The following ADK variants were observed in gnomAD, a reference collection of about 807,000 sequenced individuals.
The protein encoded by ADK is adenosine kinase.
Under a neutral mutation model 44.7 loss-of-function variants are expected in ADK, and 24 were observed. The ratio of observed to expected loss-of-function variants is 0.54; its 90% confidence interval spans 0.39 to 0.76. ADK has a LOEUF of 0.76. Ranked by LOEUF, ADK falls within the 30% of genes least tolerant of loss-of-function variation. The pLI is 0.00. For synonymous variants in ADK, 128 were observed against 142.6 expected (o/e 0.90, Z 0.73); for missense variants, 321 against 425.1 (o/e 0.76, Z 2.15).
chr10:74,392,705 T>C (rs1843377019), intron 4 of ADK, among the ~76,000 whole-genome samples: 1 of 152,060 alleles, frequency 6.6e-6, no homozygotes, highest in Admixed American at 6.6e-5. Flanking sequence ...TATGAAATCA[T>C]TGCTAAATCC....
At chr10:74,328,360 C>T (rs184654893) in intron 4 of ADK, among the ~76,000 whole-genome samples, 9 of 149,456 alleles carry the variant, frequency 6.0e-5, no homozygotes, top group Admixed American at 2.7e-4. Context: ...TACAATAGGC[C>T]GAATAGCCAC....
At chr10:74,515,790 G>A (rs964150516) in intron 6 of ADK, among the ~76,000 whole-genome samples, 2 of 152,130 alleles carry the variant, frequency 1.3e-5, no homozygotes, top group African/African-American at 4.8e-5. Context: ...GCTTGCTGTG[G>A]GTAGGACTGG....
intron 4 of ADK, among the ~76,000 whole-genome samples, chr10:74,392,188 G>A (rs904197440): frequency 2.6e-5 from 4 of 152,132 alleles, no homozygotes; most frequent in African/African-American, 9.7e-5. Context: ...AAGTGAGGTT[G>A]CTTGATTATA....
rs138879517 is a variant in ADK, at chr10:74,626,101, A to G, written c.877+25608A>G. On this transcript the variant is annotated intron_variant, in intron 9 of 10. Transcript: ENST00000539909. Reference sequence around the variant, plus strand: ...AATTCTGGTAATAGACTCTAGAAATAGATGTTTGAAATAGGTGTTTAAAAT... The same window carrying G: ...AATTCTGGTAATAGACTCTAGAAATGGATGTTTGAAATAGGTGTTTAAAAT... 5.3e-3 allele frequency among the ~76,000 whole-genome samples: 811 copies of G among 152,292 alleles called. 2 individuals are homozygous for G. Among genetic ancestry groups the G allele is most frequent in the African/African-American group, 0.019 (784 of 41,550 alleles).
chr10:74,492,466 G>A (rs1220490398), intron 6 of ADK, among the ~76,000 whole-genome samples: 1 of 152,080 alleles, frequency 6.6e-6, no homozygotes, highest in Non-Finnish European at 1.5e-5. Context: ...AAAAGAGACA[G>A]AAGAAGAAAA....
intron 6 of ADK, among the ~76,000 whole-genome samples, chr10:74,488,374 CGTGTGTGTGTGTGTGT>C (rs60178427): frequency 2.1e-5 from 3 of 140,768 alleles, no homozygotes; most frequent in African/African-American, 5.2e-5. Flanking sequence ...GGAAAAAAGA[CGTGTGTGTGTGTGTGT>C]GTGTGTGTGT....
chr10:74,526,009 T>A lies in ADK; in HGVS notation c.726+583T>A, dbSNP rs551149358. Among the ~76,000 whole-genome samples the A allele has an allele frequency of 2.6e-5, 4 of 152,292 alleles. No homozygotes were observed. The East Asian group carries it at 7.7e-4, about 29-fold the overall frequency. Reference sequence around the variant, plus strand: ...TTTGATTTACTTATAGTAAGAGTCATCCTTTTTACTGTAATTTCTGTGAGT... The same window carrying A: ...TTTGATTTACTTATAGTAAGAGTCAACCTTTTTACTGTAATTTCTGTGAGT... On this transcript the variant is annotated intron_variant, in intron 7 of 10. Coordinates refer to ENST00000539909, the MANE Select transcript of ADK (RefSeq NM_006721.4).
At chr10:74,197,746 A>T (rs1843215282) in intron 1 of ADK, among the ~76,000 whole-genome samples, 1 of 151,242 alleles carries the variant, frequency 6.6e-6, no homozygotes, top group African/African-American at 2.4e-5. Flanking sequence ...GAAGTGAATT[A>T]TTTGACTCTT....
intron 3 of ADK, among the ~76,000 whole-genome samples, chr10:74,272,971 TAGA>T (rs1362108936): frequency 2.0e-5 from 3 of 152,290 alleles, no homozygotes; most frequent in East Asian, 3.9e-4. Flanking sequence ...CTGGTGTAAT[TAGA>T]AGAAGTAGAA....
intron 3 of ADK, among the ~76,000 whole-genome samples, chr10:74,272,958 A>G (rs976662350): frequency 1.3e-5 from 2 of 152,210 alleles, no homozygotes; most frequent in African/African-American, 4.8e-5. Flanking sequence ...TGCCTTAAGC[A>G]CACTGGTGTA....
intron 3 of ADK, among the ~76,000 whole-genome samples, chr10:74,242,533 G>C (rs76330316): frequency 0.21 from 31,504 of 152,120 alleles, 4,411 homozygotes; most frequent in African/African-American, 0.4. Flanking sequence ...TTATTAATCA[G>C]CTTTAAAATG....
chr10:74,658,026 G>T (rs1854554685), intron 9 of ADK, among the ~76,000 whole-genome samples: 1 of 152,182 alleles, frequency 6.6e-6, no homozygotes, highest in Non-Finnish European at 1.5e-5. Flanking sequence ...TATGACCAAA[G>T]AGTAACTGAC....
intron 3 of ADK, among the ~76,000 whole-genome samples, chr10:74,255,534 C>A (rs768339823): frequency 1.3e-5 from 2 of 152,114 alleles, no homozygotes; most frequent in Non-Finnish European, 2.9e-5. Flanking sequence ...ATTTGACAGT[C>A]CAATATGTAT....
chr10:74,557,137 T>G (rs1327499782), intron 7 of ADK, among the ~76,000 whole-genome samples: 1 of 152,222 alleles, frequency 6.6e-6, no homozygotes, highest in East Asian at 1.9e-4. Flanking sequence ...TAGGAACAAC[T>G]GTTTTATATA....
At chr10:74,266,366 G>A (rs1365595155) in intron 3 of ADK, among the ~76,000 whole-genome samples, 1 of 152,042 alleles carries the variant, frequency 6.6e-6, no homozygotes, top group African/African-American at 2.4e-5. Context: ...AGACCAGCCC[G>A]GCCAACATGA....
At chr10:74,494,919 T>G (rs1432114294) in intron 6 of ADK, among the ~76,000 whole-genome samples, 1 of 152,072 alleles carries the variant, frequency 6.6e-6, no homozygotes, top group Non-Finnish European at 1.5e-5. Flanking sequence ...TCTCAAAGTA[T>G]CTCTGTTTAC....
At chr10:74,632,107 G>T (rs2134064463) in intron 9 of ADK, among the ~76,000 whole-genome samples, 1 of 152,054 alleles carries the variant, frequency 6.6e-6, no homozygotes, top group South Asian at 2.1e-4. Flanking sequence ...TCTCTCTCCA[G>T]CTTCACCCAT....
intron 7 of ADK, among the ~76,000 whole-genome samples, chr10:74,585,822 G>A (rs1425848018): frequency 6.6e-6 from 1 of 152,150 alleles, no homozygotes; most frequent in Non-Finnish European, 1.5e-5. Flanking sequence ...AGTACGAGGC[G>A]CCCTGGGGCA....
At chr10:74,317,479 A>G (rs1292763949) in intron 4 of ADK, among the ~76,000 whole-genome samples, 1 of 151,736 alleles carries the variant, frequency 6.6e-6, no homozygotes, top group Non-Finnish European at 1.5e-5. Context: ...TAATCCCAGC[A>G]TTTTGAGAGG....
Sources: allele counts gnomAD v4.1 joint callset (sites outside exome capture counted in the v4.1 genomes callset), GRCh38; gene constraint gnomAD v4.1.1; transcripts MANE v1.5; gene names NCBI Gene and HGNC (gene_info 2026-07-23, HGNC 2026-07-21).